KRT26: variants seen among roughly 807,000 people sequenced by gnomAD.
KRT26 encodes keratin, type I cytoskeletal 26.
KRT26 carries 45 observed loss-of-function variants against 46.1 expected under a neutral mutation model. The ratio of observed to expected loss-of-function variants is 0.98; its 90% CI spans 0.77 to 1.25. The LOEUF is 1.25. KRT26 is among the 50% of genes most tolerant of loss of function. The probability of loss-of-function intolerance (pLI) is 0.00; values close to 1 mark genes in which losing one functional copy is unlikely to be tolerated. For synonymous variants in KRT26, 191 were observed against 209.9 expected, an observed-to-expected ratio of 0.91 and a Z score of 0.78; for missense variants, 582 against 560.1, an observed-to-expected ratio of 1.04 and a Z score of -0.39.
At chr17:40,766,489 T>C (rs780533771) in exon 8 of KRT26, 15 of 1,529,634 alleles carry the variant, frequency 9.8e-6, no homozygotes, top group Non-Finnish European at 1.2e-5. Flanking sequence ...TCTTTCTTTC[T>C]TTCTTTCCAA....
Position 40,770,272 on chromosome 17 carries a change from A to AGG in KRT26, c.660_661dup (p.Leu221ProfsTer21). ...CCTTACCTCCTCATGACTTTTTTTG[A>AGG]GGTAGGTCAATTCCTCACTGAGGGT... On this transcript the variant is annotated frameshift_variant, in exon 3 of 8. Transcript: ENST00000335552. LOFTEE classifies it high-confidence loss of function. The AGG allele has an allele frequency of 6.2e-7, 1 of 1,614,102 alleles. No individual in the cohort carries two copies. The highest frequency in any genetic ancestry group is 8.5e-7 in the Non-Finnish European group (1 of 1,180,012).
intron 2 of KRT26, 28 bp downstream of exon 2, chr17:40,771,126 T>C: frequency 7.5e-7 from 1 of 1,335,830 alleles, no homozygotes; most frequent in Non-Finnish European, 1.0e-6. Flanking sequence ...CTTTTATTAA[T>C]ATAATTAATC....
At chr17:40,769,358 T>C (rs1241681741) in intron 5 of KRT26, among the ~76,000 whole-genome samples, 1 of 152,158 alleles carries the variant, frequency 6.6e-6, no homozygotes. Context: ...GGTTTCACCA[T>C]GTTGGCCTGG....
chr17:40,769,641 C>T lies in KRT26; in HGVS notation c.969+113G>A, dbSNP rs562879194. 4.9e-5 allele frequency: 54 copies of T among 1,102,722 alleles called. No homozygotes were observed. In the East Asian group the frequency reaches 1.2e-3, roughly 25 times the overall value. 68.3% of individuals were successfully genotyped at this position (1,102,722 alleles called of 1,614,324 possible). On this transcript the variant is annotated intron_variant, in intron 5 of 7. Coordinates refer to ENST00000335552, the Ensembl canonical transcript of KRT26. ...TTCTTGATATTTAATATATTTTATA[C>T]TTTTAGTCATATGTAAATGGTTATA... is the stretch of plus-strand genomic sequence containing the variant.
At chr17:40,771,910 A>C in exon 1 of KRT26, 1 of 1,614,184 alleles carries the variant, frequency 6.2e-7, no homozygotes, top group East Asian at 2.2e-5. Context: ...GAAAACCAGC[A>C]CAGGCACCAC....
At chr17:40,769,434 G>C (rs540542464) in intron 5 of KRT26, among the ~76,000 whole-genome samples, 1 of 152,120 alleles carries the variant, frequency 6.6e-6, no homozygotes, top group African/African-American at 2.4e-5. Flanking sequence ...TGGGATTACA[G>C]GTGTGAGCCA....
chr17:40,771,502 A>G (rs2038220874), intron 1 of KRT26, among the ~76,000 whole-genome samples, 171 bp downstream of exon 1: 1 of 152,192 alleles, frequency 6.6e-6, no homozygotes. Flanking sequence ...TTTCTTTTTC[A>G]TTATTTAATT....
Position 40,770,257 on chromosome 17 carries a change from T to A in KRT26, c.677A>T (p.Glu226Val), listed in dbSNP as rs775308960. The A allele has an allele frequency of 2.5e-6, 4 of 1,614,160 alleles. No individual in the cohort carries two copies. The highest frequency in any genetic ancestry group is 3.4e-6 in the Non-Finnish European group (4 of 1,180,018). ...CCACTCTGCAGGCTTCCTTACCTCC[T>A]CATGACTTTTTTTGAGGTAGGTCAA... The change falls in exon 3 of 8, where the codon GAG becomes GTG. Residue 226 changes from glutamate to valine, a missense_variant. By Grantham distance (121) the Glu-to-Val change is moderately radical. Transcript: ENST00000335552.
At chr17:40,770,175 T>C (rs1348363814) in intron 3 of KRT26, 53 bp from the exon 4 acceptor site, 12 of 1,612,846 alleles carry the variant, frequency 7.4e-6, no homozygotes, top group Non-Finnish European at 1.0e-5. Flanking sequence ...TTGATGTTCA[T>C]GCCCTGCTAC....
chr17:40,771,777 G>T (rs1380424529), exon 1 of KRT26: 1 of 1,614,132 alleles, frequency 6.2e-7, no homozygotes, highest in African/African-American at 1.3e-5. Context: ...TTGATCTTCT[G>T]CTCCAGGTCT....
In KRT26 at chr17:40,771,738, AG is replaced by A; in HGVS notation, c.375del (p.Ser126LeufsTer16). ...TAGTCATGATCGTGTTCCCGGGAAG[AG>A]CCAGGCTCACATTTCTCGTACCAGC... is the stretch of plus-strand genomic sequence containing the variant. On this transcript the variant is annotated frameshift_variant, in exon 1 of 8. Coordinates refer to ENST00000335552, the Ensembl canonical transcript of KRT26. LOFTEE classifies it high-confidence loss of function. 1 of 1,614,200 alleles carries A rather than the reference AG, an allele frequency of 6.2e-7. No individual in the cohort carries two copies. The highest frequency in any genetic ancestry group is 8.5e-7 in the Non-Finnish European group (1 of 1,180,038).
At chr17:40,769,961 C>T (rs780735051) in exon 4 of KRT26, 1 of 1,614,120 alleles carries the variant, frequency 6.2e-7, no homozygotes, top group Admixed American at 1.7e-5. Flanking sequence ...ATAGACCTAC[C>T]CTCTCGTTGA....
chr17:40,769,660 G>C, intron 5 of KRT26, 94 bp downstream of exon 5: 2 of 1,263,228 alleles, frequency 1.6e-6, no homozygotes, highest in Admixed American at 3.5e-5. Flanking sequence ...ATATGTAAAT[G>C]GTTATACGTA....
In KRT26 at chr17:40,769,108, G is replaced by C; in HGVS notation, c.970-12C>G. On this transcript the variant is annotated splice_polypyrimidine_tract_variant and intron_variant, in intron 5 of 7. Transcript: ENST00000335552. ...TCATAGGAATGTTTCTGAAAGAAAA[G>C]CAAAGTGAAGCTTGAATGTGTAAAA... 6.4e-7 allele frequency: 1 copy of C among 1,551,874 alleles called. No homozygotes were observed. The highest frequency in any genetic ancestry group is 8.9e-7 in the Non-Finnish European group (1 of 1,124,690).
intron 6 of KRT26, among the ~76,000 whole-genome samples, chr17:40,768,026 T>G (rs1397165198): frequency 1.3e-5 from 2 of 152,212 alleles, no homozygotes; most frequent in Non-Finnish European, 2.9e-5. Context: ...GGAAATAAAG[T>G]ATACACATGC....
exon 2 of KRT26, chr17:40,771,175 G>A (rs754852192): frequency 6.2e-7 from 1 of 1,601,574 alleles, no homozygotes; most frequent in South Asian, 1.1e-5. Flanking sequence ...GTCATCAGCG[G>A]TCAGTCTGGC....
At chr17:40,766,339 A>T in exon 8 of KRT26, 1 of 454,410 alleles carries the variant, frequency 2.2e-6, no homozygotes, top group East Asian at 3.4e-5. Context: ...AAAGGATTAC[A>T]TGCATAGAAC....
At chr17:40,768,732 A>G in intron 6 of KRT26, 147 bp downstream of exon 6, 1 of 496,314 alleles carries the variant, frequency 2.0e-6, no homozygotes, top group South Asian at 3.8e-5. Flanking sequence ...TTTTAATTTC[A>G]CTTGGCTGCA....
exon 8 of KRT26, chr17:40,766,495 T>C (rs1243051970): frequency 1.3e-6 from 2 of 1,531,200 alleles, no homozygotes; most frequent in Non-Finnish European, 1.8e-6. Context: ...TTTCTTTCTT[T>C]CCAAATAACT....
Sources: gnomAD v4.1 joint callset for allele counts (sites outside exome capture counted in the v4.1 genomes callset) on GRCh38, gnomAD v4.1.1 for gene constraint, MANE v1.5 for transcripts, NCBI Gene and HGNC (gene_info 2026-07-23, HGNC 2026-07-21) for gene names.